The following TENM4 variants were observed in gnomAD, a reference collection of about 807,000 sequenced individuals.
TENM4 encodes the protein teneurin-4.
Under a neutral mutation model 243.3 loss-of-function variants are expected in TENM4, and 82 were observed. The observed-to-expected ratio is 0.34, with a 90% CI of 0.28 to 0.40. The LOEUF (loss-of-function observed/expected upper bound fraction) is 0.40, where lower values mean the gene tolerates loss of function less well. Ranked by LOEUF, TENM4 falls within the 10% of genes least tolerant of loss-of-function variation. The pLI, the probability that TENM4 is intolerant of heterozygous loss-of-function variation, is 1.00. For synonymous variants in TENM4, 1,412 were observed against 1,456.3 expected (o/e 0.97, Z 0.69); for missense variants, 3,138 against 3,673.3 (o/e 0.85, Z 3.77).
intron 3 of TENM4, among the ~76,000 whole-genome samples, chr11:79,171,457 A>G (rs1312543603): frequency 6.6e-6 from 1 of 152,236 alleles, no homozygotes; most frequent in African/African-American, 2.4e-5. Context: ...TGTGGAGTAG[A>G]AAGTAAGTGG....
intron 31 of TENM4, 21 bp downstream of exon 31, chr11:78,672,012 T>C (rs376493488): frequency 1.8e-5 from 29 of 1,602,204 alleles, no homozygotes; most frequent in Non-Finnish European, 2.5e-5. Context: ...AGGCCAGTGA[T>C]GCAGGGAGAC....
chr11:79,189,927 G>A (rs1394774004), intron 3 of TENM4, among the ~76,000 whole-genome samples: 1 of 152,198 alleles, frequency 6.6e-6, no homozygotes, highest in Non-Finnish European at 1.5e-5. Flanking sequence ...CTGACGGTTA[G>A]AAGAAATGCT....
chr11:79,256,146 A>G (rs1417474632), intron 2 of TENM4, among the ~76,000 whole-genome samples: 1 of 152,132 alleles, frequency 6.6e-6, no homozygotes, highest in Non-Finnish European at 1.5e-5. Context: ...TCTTTCTTCT[A>G]CCTAAGGCAT....
chr11:78,667,938 G>A (rs868484108), intron 32 of TENM4, among the ~76,000 whole-genome samples: 1 of 152,212 alleles, frequency 6.6e-6, no homozygotes, highest in Non-Finnish European at 1.5e-5. Flanking sequence ...TGGCTAACCT[G>A]GGACTGGCTG....
intron 24 of TENM4, among the ~76,000 whole-genome samples, chr11:78,722,255 T>A (rs573663614): frequency 6.6e-6 from 1 of 152,178 alleles, no homozygotes; most frequent in African/African-American, 2.4e-5. Flanking sequence ...CCTCAAGTGA[T>A]CCTTCTGCTT....
chr11:79,244,018 G>A (rs1172746626), intron 2 of TENM4, among the ~76,000 whole-genome samples: 1 of 152,168 alleles, frequency 6.6e-6, no homozygotes, highest in African/African-American at 2.4e-5. Context: ...GATGCTCCCG[G>A]TCCCAGGACC....
At chr11:78,930,090 G>A (rs1856636204) in intron 6 of TENM4, among the ~76,000 whole-genome samples, 2 of 152,160 alleles carry the variant, frequency 1.3e-5, no homozygotes, top group Admixed American at 6.5e-5. Context: ...AAGGGAAAAT[G>A]GTGCTCAGAC....
At chr11:78,919,898 C>T (rs929063000) in intron 6 of TENM4, among the ~76,000 whole-genome samples, 2 of 152,266 alleles carry the variant, frequency 1.3e-5, no homozygotes, top group South Asian at 2.1e-4. Flanking sequence ...TGAAACACCG[C>T]GTCACTCTTC....
chr11:78,810,874 G>C (rs566406253), intron 14 of TENM4, among the ~76,000 whole-genome samples: 2 of 152,290 alleles, frequency 1.3e-5, no homozygotes, highest in Admixed American at 1.3e-4. Flanking sequence ...AAGGTGCCAG[G>C]GTGCTAGATG....
At chr11:78,713,453 T>C (rs1859447391) in intron 25 of TENM4, among the ~76,000 whole-genome samples, 1 of 152,248 alleles carries the variant, frequency 6.6e-6, no homozygotes, top group Non-Finnish European at 1.5e-5. Flanking sequence ...AGAGAGAAGC[T>C]TGACTGCAGA....
intron 29 of TENM4, 48 bp from the exon 30 acceptor site, chr11:78,676,435 G>C: frequency 6.6e-7 from 1 of 1,507,146 alleles, no homozygotes; most frequent in Non-Finnish European, 9.0e-7. Flanking sequence ...CGAAGGTGGA[G>C]GGAGGTGTGA....
intron 6 of TENM4, among the ~76,000 whole-genome samples, chr11:78,990,292 C>T (rs1266930887): frequency 6.6e-6 from 1 of 152,168 alleles, no homozygotes; most frequent in Non-Finnish European, 1.5e-5. Context: ...TCTGACTTCG[C>T]ATCATGAGTC....
intron 19 of TENM4, among the ~76,000 whole-genome samples, chr11:78,750,849 TTGTGTG>T (rs72172542): frequency 5.5e-4 from 80 of 145,712 alleles, no homozygotes; most frequent in African/African-American, 8.4e-4. Flanking sequence ...CAAATGAGGC[TTGTGTG>T]TGTGTGTGTG....
At chr11:78,913,243 C>G (rs920071008) in intron 6 of TENM4, among the ~76,000 whole-genome samples, 2 of 152,160 alleles carry the variant, frequency 1.3e-5, no homozygotes, top group Non-Finnish European at 2.9e-5. Flanking sequence ...GCTTTCATTT[C>G]TTTTACAAAC....
At chr11:78,732,636 G>C in intron 20 of TENM4, 59 bp from the exon 21 acceptor site, 1 of 1,501,056 alleles carries the variant, frequency 6.7e-7, no homozygotes. Context: ...GAACCAGGAT[G>C]AGAAAGAGAG....
intron 15 of TENM4, among the ~76,000 whole-genome samples, chr11:78,802,255 T>C (rs1344880826): frequency 6.6e-6 from 1 of 152,378 alleles, no homozygotes; most frequent in Non-Finnish European, 1.5e-5. Context: ...GTGCTTACTG[T>C]ATGACGGACA....
chr11:78,839,946 C>T (rs1372760083), intron 12 of TENM4, among the ~76,000 whole-genome samples: 1 of 152,144 alleles, frequency 6.6e-6, no homozygotes, highest in Non-Finnish European at 1.5e-5. Context: ...CTAGCTCTGC[C>T]TCTGCCTGCC....
intron 3 of TENM4, among the ~76,000 whole-genome samples, chr11:79,168,044 C>T (rs1026408788): frequency 1.3e-5 from 2 of 152,164 alleles, no homozygotes; most frequent in Non-Finnish European, 2.9e-5. Flanking sequence ...AGAACTGGGG[C>T]CATGGTTAGA....
intron 7 of TENM4, among the ~76,000 whole-genome samples, chr11:78,898,839 C>T (rs183942715): frequency 2.0e-5 from 3 of 152,250 alleles, no homozygotes; most frequent in African/African-American, 4.8e-5. Flanking sequence ...AGTCTGTTCT[C>T]TGAAATGTCT....
Sources: gnomAD v4.1 joint callset for allele counts (sites outside exome capture counted in the v4.1 genomes callset) on GRCh38, gnomAD v4.1.1 for gene constraint, MANE v1.5 for transcripts, NCBI Gene and HGNC (gene_info 2026-07-23, HGNC 2026-07-21) for gene names.